The following MEGF10 variants were observed in gnomAD, a reference collection of about 807,000 sequenced individuals.
MEGF10 encodes multiple EGF like domains 10, also known as multiple epidermal growth factor-like domains protein 10.
In MEGF10, 86 loss-of-function variants were observed where a neutral mutation model predicts 147.5. The observed-to-expected ratio is 0.58, with a 90% CI of 0.49 to 0.70. The LOEUF is 0.70. Among genes scored for constraint, MEGF10 ranks in the 30% least tolerant of loss-of-function variants. MEGF10 has a pLI of 0.00. For missense variants in MEGF10, 1,329 were observed against 1,487.3 expected, an observed-to-expected ratio of 0.89 and a Z score of 1.75; for synonymous variants, 478 against 525.5, an observed-to-expected ratio of 0.91 and a Z score of 1.24.
intron 22 of MEGF10, among the ~76,000 whole-genome samples, chr5:127,449,755 A>C (rs1766085643): frequency 6.6e-6 from 1 of 152,134 alleles, no homozygotes; most frequent in African/African-American, 2.4e-5. Flanking sequence ...TACCAACAGG[A>C]ATACAGTGGA....
intron 1 of MEGF10, among the ~76,000 whole-genome samples, chr5:127,321,610 G>T (rs895924823): frequency 2.6e-5 from 4 of 152,120 alleles, no homozygotes; most frequent in Non-Finnish European, 4.4e-5. Context: ...GGCTTAACTT[G>T]GATTGCTCAT....
chr5:127,366,302 G>A lies in MEGF10; in HGVS notation c.320-3608G>A, dbSNP rs530306154. The stretch of plus-strand genomic sequence containing the variant: ...CCCTTTGCTCTTTTCCATCTTTGAC[G>A]AGGTTTGTTGCTGGATGTGGAGAGC... On this transcript the variant is annotated intron_variant, in intron 4 of 24. Transcript: ENST00000503335. Among the ~76,000 whole-genome samples, 43 of 152,244 alleles carry A rather than the reference G, an allele frequency of 2.8e-4. No homozygotes were observed. The South Asian group carries it at 8.5e-3, about 30-fold the overall frequency.
At chr5:127,363,653 G>T (rs1186731479) in intron 4 of MEGF10, among the ~76,000 whole-genome samples, 1 of 152,142 alleles carries the variant, frequency 6.6e-6, no homozygotes, top group Non-Finnish European at 1.5e-5. Context: ...TAGACATTGG[G>T]TGTACAATTG....
the MEGF10 span, among the ~76,000 whole-genome samples, chr5:127,247,337 A>G: frequency 7.8e-4 from 2 of 2,568 alleles, no homozygotes; most frequent in South Asian, 0.023. Context: ...AAGAAGAAGA[A>G]GAAGAAGAAG....
intron 12 of MEGF10, 128 bp from the exon 13 acceptor site, chr5:127,422,542 A>G (rs1765052931): frequency 1.5e-6 from 1 of 661,256 alleles, no homozygotes; most frequent in South Asian, 1.9e-5. Flanking sequence ...AAATAAAGAT[A>G]CATCCCTGTA....
chr5:127,310,023 T>C (rs1261478671), intron 1 of MEGF10, among the ~76,000 whole-genome samples: 7,761 of 66,640 alleles, frequency 0.12, 2,013 homozygotes, highest in Non-Finnish European at 0.16. Context: ...TCTTTTTTTC[T>C]TTCTTTCTTT....
intron 1 of MEGF10, among the ~76,000 whole-genome samples, chr5:127,312,844 G>T (rs1313283967): frequency 1.3e-5 from 2 of 151,952 alleles, no homozygotes; most frequent in African/African-American, 4.8e-5. Flanking sequence ...TCTTAGAAAG[G>T]TTTCAGATAA....
intron 13 of MEGF10, among the ~76,000 whole-genome samples, chr5:127,432,249 C>T (rs769741349): frequency 2.0e-4 from 30 of 152,248 alleles, no homozygotes; most frequent in Non-Finnish European, 3.2e-4. Flanking sequence ...CAGTGTTCAC[C>T]GGAAATGGTG....
intron 8 of MEGF10, among the ~76,000 whole-genome samples, chr5:127,405,840 TC>T (rs1475401922): frequency 3.3e-5 from 5 of 150,732 alleles, no homozygotes; most frequent in South Asian, 2.1e-4. Context: ...TGCCTTTTTT[TC>T]TTTTGCTAAT....
At chr5:127,357,726 G>A (rs1283550629) in intron 4 of MEGF10, among the ~76,000 whole-genome samples, 1 of 151,920 alleles carries the variant, frequency 6.6e-6, no homozygotes, top group East Asian at 1.9e-4. Context: ...CTTAGCAGGG[G>A]CTGGATGATC....
At chr5:127,305,272 G>C (rs1246883629) in intron 1 of MEGF10, among the ~76,000 whole-genome samples, 1 of 152,172 alleles carries the variant, frequency 6.6e-6, no homozygotes, top group Non-Finnish European at 1.5e-5. Flanking sequence ...ATGAGGTAAG[G>C]AAAGAGTCTG....
chr5:127,290,643 A>T (rs1241810564), upstream of MEGF10, among the ~76,000 whole-genome samples: 1 of 152,156 alleles, frequency 6.6e-6, no homozygotes, highest in Non-Finnish European at 1.5e-5. Flanking sequence ...GGCCGGGAAG[A>T]TCCTGCATGT....
intron 4 of MEGF10, among the ~76,000 whole-genome samples, chr5:127,353,321 T>G (rs917432535): frequency 1.3e-5 from 2 of 152,072 alleles, no homozygotes; most frequent in Non-Finnish European, 2.9e-5. Flanking sequence ...TCCAAGAAAA[T>G]TTACACAACT....
At chr5:127,384,263 G>A (rs1763353465) in intron 5 of MEGF10, among the ~76,000 whole-genome samples, 1 of 152,330 alleles carries the variant, frequency 6.6e-6, no homozygotes, top group Admixed American at 6.5e-5. Flanking sequence ...CAAGTAGTAA[G>A]TGCTCAATAA....
At chr5:127,284,173 T>C in the MEGF10 span, among the ~76,000 whole-genome samples, 230 of 152,174 alleles carry the variant, frequency 1.5e-3, 4 homozygotes, top group East Asian at 0.032. Context: ...GAAGGGAGCA[T>C]AAAAAATATC....
At chr5:127,434,207 TAC>T (rs1765479908) in intron 14 of MEGF10, among the ~76,000 whole-genome samples, 1 of 152,220 alleles carries the variant, frequency 6.6e-6, no homozygotes, top group Admixed American at 6.5e-5. Context: ...ACTTTTCGAT[TAC>T]AGTCATTAAC....
At chr5:127,361,383 C>G (rs1249665876) in intron 4 of MEGF10, among the ~76,000 whole-genome samples, 1 of 151,892 alleles carries the variant, frequency 6.6e-6, no homozygotes, top group Non-Finnish European at 1.5e-5. Flanking sequence ...TCTCTCATTT[C>G]TAATACCAGT....
At chr5:127,309,947 C>CTCTT (rs745938777) in intron 1 of MEGF10, among the ~76,000 whole-genome samples, 6,331 of 90,266 alleles carry the variant, frequency 0.07, 243 homozygotes, top group Non-Finnish European at 0.09. Flanking sequence ...TCCTTGCCAA[C>CTCTT]TCTTTCTTTC....
chr5:127,441,338 C>T (rs1414692267), intron 18 of MEGF10, among the ~76,000 whole-genome samples: 6 of 152,206 alleles, frequency 3.9e-5, no homozygotes, highest in African/African-American at 2.4e-5. Context: ...TTTCAACAAC[C>T]TTCTCTAGAT....
Sources: gnomAD v4.1 joint callset for allele counts (sites outside exome capture counted in the v4.1 genomes callset) on GRCh38, gnomAD v4.1.1 for gene constraint, MANE v1.5 for transcripts, NCBI Gene and HGNC (gene_info 2026-07-23, HGNC 2026-07-21) for gene names.